TCTN3: variants seen among roughly 807,000 people sequenced by gnomAD.
TCTN3 encodes tectonic-3.
In TCTN3, 57 loss-of-function variants were observed where a neutral mutation model predicts 71.3. The observed-to-expected ratio is 0.80, with a 90% confidence interval of 0.65 to 1.00. The LOEUF is 1.00. Ranked by LOEUF, TCTN3 falls within the 50% of genes least tolerant of loss-of-function variation. The pLI, the probability that TCTN3 is intolerant of heterozygous loss-of-function variation, is 0.00. For synonymous variants in TCTN3, 258 were observed against 267.8 expected (o/e 0.96, Z 0.36); for missense variants, 696 against 719.9 (o/e 0.97, Z 0.38).
chr10:95,669,637 T>TA (rs1243953152), intron 13 of TCTN3, among the ~76,000 whole-genome samples: 4 of 152,168 alleles, frequency 2.6e-5, no homozygotes, highest in Admixed American at 6.5e-5. Context: ...CCAGGCATAG[T>TA]ACTTGGCACA....
At chr10:95,673,119 C>T (rs1453676483) in intron 13 of TCTN3, among the ~76,000 whole-genome samples, 1 of 152,144 alleles carries the variant, frequency 6.6e-6, no homozygotes, top group East Asian at 1.9e-4. Context: ...AACTTTTTCT[C>T]CCAAACTAGC....
intron 9 of TCTN3, 61 bp from the exon 10 acceptor site, chr10:95,683,690 G>A: frequency 4.8e-6 from 7 of 1,461,524 alleles, no homozygotes; most frequent in Non-Finnish European, 6.6e-6. Context: ...ACCTCCCACT[G>A]CTTGGCTTCA....
At chr10:95,668,644 T>C (rs1169456384) in intron 13 of TCTN3, among the ~76,000 whole-genome samples, 3 of 150,716 alleles carry the variant, frequency 2.0e-5, no homozygotes, top group African/African-American at 7.3e-5. Flanking sequence ...ACATGCATCT[T>C]CCCCCCCCAA....
At chr10:95,687,772 G>C in intron 3 of TCTN3, 53 bp from the exon 4 acceptor site, 1 of 1,569,868 alleles carries the variant, frequency 6.4e-7, no homozygotes, top group South Asian at 1.2e-5. Context: ...AACATGCCAA[G>C]TAACTAATTT....
chr10:95,667,924 A>G (rs1200701987), intron 13 of TCTN3, among the ~76,000 whole-genome samples: 1 of 152,222 alleles, frequency 6.6e-6, no homozygotes, highest in Non-Finnish European at 1.5e-5. Flanking sequence ...AGATTGACAA[A>G]CATGCGGAAA....
rs2097923797 is a variant in TCTN3 at position 95,664,014 on chromosome 10, G to T, written c.*53C>A. On this transcript the variant is annotated 3_prime_UTR_variant, in exon 14 of 14. Coordinates refer to ENST00000371217, the MANE Select transcript of TCTN3 (RefSeq NM_015631.6). Reference sequence around the variant, plus strand: ...AGGTTCTATTTAGCCAAGATAAGTGGCTGCCTCAGAGTTTCTCATAGGGAA... The same window carrying T: ...AGGTTCTATTTAGCCAAGATAAGTGTCTGCCTCAGAGTTTCTCATAGGGAA... 2 of 1,500,950 alleles carry T rather than the reference G, an allele frequency of 1.3e-6. No homozygotes were observed. The highest frequency in any genetic ancestry group is 1.9e-6 in the Non-Finnish European group (2 of 1,080,600). 93.0% of individuals were successfully genotyped at this position (1,500,950 alleles called of 1,614,324 possible).
intron 12 of TCTN3, 64 bp downstream of exon 12, chr10:95,682,587 A>AAGG: frequency 6.5e-7 from 1 of 1,542,158 alleles, no homozygotes; most frequent in South Asian, 1.2e-5. Flanking sequence ...TTTTAAACTT[A>AAGG]CTATCCAAGA....
At chr10:95,667,119 G>A (rs1364024361) in intron 13 of TCTN3, among the ~76,000 whole-genome samples, 2 of 152,068 alleles carry the variant, frequency 1.3e-5, no homozygotes, top group Admixed American at 1.3e-4. Context: ...GTCTGCTCAA[G>A]TATATATATT....
intron 13 of TCTN3, among the ~76,000 whole-genome samples, chr10:95,664,766 T>G (rs1566062958): frequency 6.6e-6 from 1 of 152,286 alleles, no homozygotes; most frequent in Middle Eastern, 3.4e-3. Context: ...CACCAATTCA[T>G]GCCAAATAAA....
rs2097945412 is a variant in TCTN3 at position 95,683,616 on chromosome 10, C to T, written c.1109G>A (p.Ser370Asn). ...FILRFRAFQQ[S>N]TAASLTSPRS... The stretch of plus-strand genomic sequence containing the variant: ...AGGACTGGTGAGAGAAGCAGCTGTG[C>T]TCTGTTGAAAAGCCTGCAGAAAGAG... Residue 370 changes from serine (S) to asparagine (N), a missense_variant, in exon 10 of 14, where the codon AGC (serine) becomes AAC (asparagine). By Grantham distance (46) the Ser-to-Asn change is conservative. Coordinates refer to ENST00000371217, the MANE Select transcript of TCTN3 (RefSeq NM_015631.6). 1 of 1,611,544 alleles carries T rather than the reference C, an allele frequency of 6.2e-7. No homozygotes were observed. The highest frequency in any genetic ancestry group is 1.7e-5 in the Admixed American group (1 of 59,518).
chr10:95,671,319 C>T (rs2097931196), intron 13 of TCTN3, among the ~76,000 whole-genome samples: 2 of 152,156 alleles, frequency 1.3e-5, no homozygotes, highest in Admixed American at 1.3e-4. Flanking sequence ...GAAATTACCA[C>T]CAGCAATTTT....
At chr10:95,670,504 G>A (rs975599967) in intron 13 of TCTN3, among the ~76,000 whole-genome samples, 17 of 150,848 alleles carry the variant, frequency 1.1e-4, no homozygotes, top group Admixed American at 2.6e-4. Flanking sequence ...AGGCTCAGGC[G>A]TGTGCCACCT....
Position 95,693,555 on chromosome 10 carries a change from C to T in TCTN3, c.257-79G>A. 5 of 1,548,584 alleles carry T rather than the reference C, an allele frequency of 3.2e-6. No homozygotes were observed. The South Asian group carries it at 4.8e-5, about 15-fold the overall frequency. On this transcript the variant is annotated intron_variant, in intron 1 of 13. Transcript: ENST00000371217. ...GTGCTCACCCTCCTTCTTCCGACAG[C>T]CCCACTCCTGCTTTGTGGCAGCTCA...
chr10:95,685,528 GTCCAGAATCT>G lies in TCTN3; in HGVS notation c.969+18_969+27del. 4 of 1,526,022 alleles carry G rather than the reference GTCCAGAATCT, an allele frequency of 2.6e-6. No homozygotes were observed. The highest frequency in any genetic ancestry group is 8.9e-7 in the Non-Finnish European group (1 of 1,123,974). The allele number at this position is 1,526,022 out of a possible 1,614,324, so 94.5% of individuals were successfully genotyped here. A position where few individuals can be genotyped will look rare whatever the true frequency, so the allele number is the denominator to read the frequency against. On this transcript the variant is annotated intron_variant, in intron 8 of 13. Transcript: ENST00000371217. Reference sequence around the variant, plus strand: ...TGGCAGTGTTGATTAACACACATCAGTCCAGAATCTGAGGTCAGTATCCCTACCTGAGAAA... The same window carrying G: ...TGGCAGTGTTGATTAACACACATCAGGAGGTCAGTATCCCTACCTGAGAAA...
intron 3 of TCTN3, among the ~76,000 whole-genome samples, chr10:95,691,168 G>A (rs1479945509): frequency 6.6e-6 from 1 of 152,114 alleles, no homozygotes; most frequent in Admixed American, 6.6e-5. Flanking sequence ...TGGAAAAGAA[G>A]AGACAACTTT....
intron 3 of TCTN3, among the ~76,000 whole-genome samples, chr10:95,688,513 G>A (rs1368770641): frequency 6.6e-6 from 1 of 151,732 alleles, no homozygotes; most frequent in Non-Finnish European, 1.5e-5. Flanking sequence ...TAGGAACATG[G>A]GACAATTAGA....
chr10:95,673,895 G>A (rs1219512385), intron 13 of TCTN3, among the ~76,000 whole-genome samples: 2 of 152,192 alleles, frequency 1.3e-5, no homozygotes, highest in East Asian at 3.8e-4. Flanking sequence ...TTGAATTGAT[G>A]TGATTTATGA....
At chr10:95,675,301 C>T (rs1196417478) in intron 13 of TCTN3, among the ~76,000 whole-genome samples, 1 of 152,066 alleles carries the variant, frequency 6.6e-6, no homozygotes, top group African/African-American at 2.4e-5. Flanking sequence ...CCGTTTTGGC[C>T]AGACCGGTCT....
At chr10:95,685,462 A>T in intron 8 of TCTN3, 94 bp downstream of exon 8, 1 of 945,152 alleles carries the variant, frequency 1.1e-6, no homozygotes, top group Non-Finnish European at 1.6e-6. Context: ...AACAAAATTC[A>T]GTTGGGTCAG....
Sources: gnomAD v4.1 joint callset for allele counts (sites outside exome capture counted in the v4.1 genomes callset) on GRCh38, gnomAD v4.1.1 for gene constraint, MANE v1.5 for transcripts, NCBI Gene and HGNC (gene_info 2026-07-23, HGNC 2026-07-21) for gene names.